Variants in GPR39 observed in about 807,000 individuals in gnomAD.
The protein encoded by GPR39 is zinc sensing receptor.
A neutral mutation model predicts 18.4 loss-of-function variants in GPR39; 23 were observed. The ratio of observed to expected loss-of-function variants is 1.25; its 90% CI spans 0.90 to 1.77. The LOEUF (loss-of-function observed/expected upper bound fraction) is 1.77. Among genes scored for constraint, GPR39 ranks in the 40% most tolerant of loss-of-function variants. The pLI, the probability that GPR39 is intolerant of heterozygous loss-of-function variation, is 0.00. For synonymous variants in GPR39, 280 were observed against 257.9 expected, an observed-to-expected ratio of 1.09 and a Z score of -0.82; for missense variants, 647 against 602.4, an observed-to-expected ratio of 1.07 and a Z score of -0.78.
chr2:132,459,717 T>C (rs1340189781), intron 1 of GPR39, among the ~76,000 whole-genome samples: 2 of 152,234 alleles, frequency 1.3e-5, no homozygotes, highest in Admixed American at 1.3e-4. Context: ...GTACTTGGCA[T>C]GCATTATATT....
At chr2:132,635,103 T>C (rs1332397208) in intron 1 of GPR39, among the ~76,000 whole-genome samples, 1 of 152,186 alleles carries the variant, frequency 6.6e-6, no homozygotes, top group Non-Finnish European at 1.5e-5. Context: ...TCTTTCTTTT[T>C]CTTCCTCTAA....
At chr2:132,422,151 A>T (rs549328407) in intron 1 of GPR39, among the ~76,000 whole-genome samples, 1 of 152,304 alleles carries the variant, frequency 6.6e-6, no homozygotes, top group Non-Finnish European at 1.5e-5. Flanking sequence ...TCTCAGTAAG[A>T]TTATAAAAAG....
chr2:132,496,916 C>G (rs1681651972), intron 1 of GPR39, among the ~76,000 whole-genome samples: 2 of 152,216 alleles, frequency 1.3e-5, no homozygotes, highest in Non-Finnish European at 2.9e-5. Context: ...AAAGCAATGT[C>G]AAAGGCAGAG....
chr2:132,548,539 A>G (rs182333186), intron 1 of GPR39, among the ~76,000 whole-genome samples: 27 of 152,356 alleles, frequency 1.8e-4, no homozygotes, highest in Non-Finnish European at 1.6e-4. Flanking sequence ...TGCACCATTT[A>G]GAAAACAATC....
chr2:132,433,980 G>T (rs578072644), intron 1 of GPR39, among the ~76,000 whole-genome samples: 1 of 151,904 alleles, frequency 6.6e-6, no homozygotes, highest in Non-Finnish European at 1.5e-5. Context: ...AGCAAAGGAT[G>T]GTTTAATAAT....
chr2:132,610,222 G>A (rs1221992158), intron 1 of GPR39, among the ~76,000 whole-genome samples: 1 of 152,038 alleles, frequency 6.6e-6, no homozygotes, highest in Non-Finnish European at 1.5e-5. Context: ...TGCTTCTGGT[G>A]GTTTGTTCTT....
At chr2:132,596,342 T>C (rs1680947006) in intron 1 of GPR39, among the ~76,000 whole-genome samples, 1 of 152,062 alleles carries the variant, frequency 6.6e-6, no homozygotes, top group South Asian at 2.1e-4. Flanking sequence ...CCCCTTTTCC[T>C]TTTCTCTCTC....
chr2:132,512,698 A>G (rs926501752), intron 1 of GPR39, among the ~76,000 whole-genome samples: 5 of 152,210 alleles, frequency 3.3e-5, no homozygotes, highest in Non-Finnish European at 7.3e-5. Flanking sequence ...TAAAGTACAC[A>G]CTAGTGCCTG....
At chr2:132,515,256 G>T (rs1226276456) in intron 1 of GPR39, among the ~76,000 whole-genome samples, 1 of 152,174 alleles carries the variant, frequency 6.6e-6, no homozygotes, top group Non-Finnish European at 1.5e-5. Flanking sequence ...GTGGACAGTG[G>T]GTGAGAAAAT....
intron 1 of GPR39, among the ~76,000 whole-genome samples, chr2:132,583,339 C>T (rs1003557908): frequency 6.6e-6 from 1 of 151,592 alleles, no homozygotes; most frequent in African/African-American, 2.4e-5. Context: ...TTAGCAAACA[C>T]TCCTTCCTAA....
At chr2:132,596,859 A>G (rs1680959129) in intron 1 of GPR39, among the ~76,000 whole-genome samples, 2 of 152,212 alleles carry the variant, frequency 1.3e-5, no homozygotes, top group African/African-American at 2.4e-5. Flanking sequence ...GTTGATTTCC[A>G]TGTATATCCC....
At chr2:132,481,752 A>ATTTCAGAAAAGAAAT (rs1266395580) in intron 1 of GPR39, among the ~76,000 whole-genome samples, 1 of 152,168 alleles carries the variant, frequency 6.6e-6, no homozygotes, top group Admixed American at 6.5e-5. Context: ...GAAATTATAA[A>ATTTCAGAAAAGAAAT]TACTTTTCTG....
chr2:132,469,592 G>A (rs535760668), intron 1 of GPR39, among the ~76,000 whole-genome samples: 2 of 152,280 alleles, frequency 1.3e-5, no homozygotes, highest in South Asian at 4.1e-4. Flanking sequence ...CGACCCTCTG[G>A]TTATGCGGGC....
intron 1 of GPR39, among the ~76,000 whole-genome samples, chr2:132,619,665 AGGTG>A (rs1681399447): frequency 1.3e-5 from 2 of 152,178 alleles, no homozygotes; most frequent in African/African-American, 4.8e-5. Context: ...CTGGGAGGAA[AGGTG>A]GCTGTCCAAT....
intron 1 of GPR39, among the ~76,000 whole-genome samples, chr2:132,578,445 T>C (rs1435736805): frequency 6.6e-6 from 1 of 152,142 alleles, no homozygotes; most frequent in African/African-American, 2.4e-5. Flanking sequence ...GAATTGCTGA[T>C]AGATTTTTTA....
chr2:132,465,411 C>T (rs1680910505), intron 1 of GPR39, among the ~76,000 whole-genome samples: 1 of 152,162 alleles, frequency 6.6e-6, no homozygotes, highest in Admixed American at 6.5e-5. Context: ...TTCCCCTAGT[C>T]TCCCTGTACC....
At chr2:132,622,059 C>A (rs1242985721) in intron 1 of GPR39, among the ~76,000 whole-genome samples, 1 of 152,092 alleles carries the variant, frequency 6.6e-6, no homozygotes, top group African/African-American at 2.4e-5. Context: ...GTCCCCTGGG[C>A]TGGGGAGAGA....
At chr2:132,451,793 T>C (rs887507406) in intron 1 of GPR39, among the ~76,000 whole-genome samples, 2 of 152,118 alleles carry the variant, frequency 1.3e-5, no homozygotes, top group Non-Finnish European at 2.9e-5. Context: ...CTGTTAGTTA[T>C]ATTAGATCTA....
intron 1 of GPR39, among the ~76,000 whole-genome samples, chr2:132,547,065 C>T (rs183546129): frequency 5.9e-5 from 9 of 152,080 alleles, no homozygotes; most frequent in Admixed American, 3.9e-4. Flanking sequence ...TCCAGCAAGC[C>T]GCACCGACAG....
Sources: allele counts gnomAD v4.1 joint callset (sites outside exome capture counted in the v4.1 genomes callset), GRCh38; gene constraint gnomAD v4.1.1; transcripts MANE v1.5; gene names NCBI Gene and HGNC (gene_info 2026-07-23, HGNC 2026-07-21).